GBX1: variants seen among roughly 807,000 people sequenced by gnomAD.
GBX1 encodes the protein gastrulation brain homeobox 1.
A neutral mutation model predicts 22.9 loss-of-function variants in GBX1; 9 were observed. The ratio of observed to expected loss-of-function variants is 0.39; its 90% CI spans 0.24 to 0.69. The LOEUF (loss-of-function observed/expected upper bound fraction) is 0.69. Ranked by LOEUF, GBX1 falls within the 30% of genes least tolerant of loss-of-function variation. The pLI, the probability that GBX1 is intolerant of heterozygous loss-of-function variation, is 0.43. For missense variants in GBX1, 494 were observed against 509.2 expected, an observed-to-expected ratio of 0.97 and a Z score of 0.29; for synonymous variants, 203 against 227.3, an observed-to-expected ratio of 0.89 and a Z score of 0.96.
intron 1 of GBX1, among the ~76,000 whole-genome samples, chr7:151,158,278 T>C (rs1328057696): frequency 6.6e-6 from 1 of 152,122 alleles, no homozygotes; most frequent in Admixed American, 6.6e-5. Context: ...AAATTATTCA[T>C]AGTAATACCA....
chr7:151,153,325 C>T (rs1801099158), intron 1 of GBX1, among the ~76,000 whole-genome samples: 1 of 152,142 alleles, frequency 6.6e-6, no homozygotes, highest in Non-Finnish European at 1.5e-5. Flanking sequence ...AGAAGGAGCA[C>T]TGTAGACTGC....
chr7:151,163,097 C>T (rs1483711605), intron 1 of GBX1, among the ~76,000 whole-genome samples: 10 of 152,114 alleles, frequency 6.6e-5, no homozygotes, highest in Non-Finnish European at 1.2e-4. Context: ...TGAGCCACCG[C>T]GCCCAGCTTT....
chr7:151,156,416 A>AAAAC (rs68133106), intron 1 of GBX1, among the ~76,000 whole-genome samples: 2 of 129,970 alleles, frequency 1.5e-5, no homozygotes, highest in African/African-American at 6.2e-5. Flanking sequence ...AAAAAAAAAA[A>AAAAC]CGAAAAAAAA....
rs1474545399 is a variant in GBX1 at position 151,148,564 on chromosome 7, C to G, written c.*25G>C. The stretch of plus-strand genomic sequence containing the variant: ...AGCAGGCTCAGGTACAGATCCCTCG[C>G]CTTCCTAAGTTCTTGGGTGCCCATT... On this transcript the variant is annotated 3_prime_UTR_variant, in exon 2 of 2. Coordinates refer to ENST00000297537, the MANE Select transcript of GBX1 (RefSeq NM_001098834.3). This position sits in a 1 kb window ranked among gnomAD's most constrained non-coding sequence, Gnocchi z 5.1. The G allele has an allele frequency of 6.2e-7, 1 of 1,603,718 alleles. No individual in the cohort carries two copies. Among genetic ancestry groups the G allele is most frequent in the Non-Finnish European group, 8.5e-7 (1 of 1,173,638 alleles).
intron 1 of GBX1, among the ~76,000 whole-genome samples, chr7:151,164,904 T>C (rs2150551215): frequency 6.6e-6 from 1 of 151,812 alleles, no homozygotes; most frequent in South Asian, 2.1e-4. Flanking sequence ...CTCCTAGTGT[T>C]GAAACTTTTC....
intron 1 of GBX1, chr7:151,149,874 T>C: frequency 4.4e-6 from 2 of 455,280 alleles, no homozygotes; most frequent in East Asian, 1.4e-4. Context: ...CTGATCCCCT[T>C]TCAATCCTTA....
chr7:151,157,035 C>T (rs1179390913), intron 1 of GBX1, among the ~76,000 whole-genome samples: 3 of 131,914 alleles, frequency 2.3e-5, no homozygotes, highest in South Asian at 2.5e-4. Flanking sequence ...AAAATAATAA[C>T]GTCTGTAATC....
At chr7:151,166,552 C>A (rs1801254022) in intron 1 of GBX1, among the ~76,000 whole-genome samples, 1 of 141,308 alleles carries the variant, frequency 7.1e-6, no homozygotes, top group Non-Finnish European at 1.5e-5. Context: ...ATCCTTTGAG[C>A]CTTTAGGGTC....
At chr7:151,166,487 A>ACAC (rs1554475966) in intron 1 of GBX1, among the ~76,000 whole-genome samples, 7 of 55,858 alleles carry the variant, frequency 1.3e-4, no homozygotes, top group East Asian at 6.1e-4. Context: ...CCCCCCCCCC[A>ACAC]ACACACACAC....
intron 1 of GBX1, among the ~76,000 whole-genome samples, chr7:151,149,349 CAAAG>C (rs1801051018): frequency 6.6e-6 from 1 of 152,094 alleles, no homozygotes; most frequent in Non-Finnish European, 1.5e-5. Flanking sequence ...TTAGGGAAAA[CAAAG>C]AAATGGGAAG....
intron 1 of GBX1, among the ~76,000 whole-genome samples, chr7:151,152,243 C>T (rs1354237081): frequency 6.6e-6 from 1 of 152,172 alleles, no homozygotes; most frequent in Non-Finnish European, 1.5e-5. Flanking sequence ...CCCTCCCTGT[C>T]CTTTCCTTTC....
At chr7:151,149,973 C>T (rs966853935) in intron 1 of GBX1, 1 of 455,884 alleles carries the variant, frequency 2.2e-6, no homozygotes, top group South Asian at 1.5e-5. Flanking sequence ...CTGTTTTCTG[C>T]TCAAGTTCAG....
chr7:151,157,190 G>T (rs868628648), intron 1 of GBX1, among the ~76,000 whole-genome samples: 1 of 151,940 alleles, frequency 6.6e-6, no homozygotes. Context: ...CAGCTACTCG[G>T]GAGGCTGAGG....
chr7:151,163,444 A>T (rs763077928), intron 1 of GBX1, among the ~76,000 whole-genome samples: 3 of 152,318 alleles, frequency 2.0e-5, no homozygotes, highest in Middle Eastern at 3.4e-3. Flanking sequence ...TAGATCCGTC[A>T]TGTTGAATAC....
rs571698053 is a variant in GBX1 at position 151,166,480 on chromosome 7, C to G, written c.538+531G>C. Among the ~76,000 whole-genome samples the G allele has an allele frequency of 6.4e-4, 80 of 125,180 alleles. 6 individuals are homozygous for G. The South Asian group carries it at 0.018, about 28-fold the overall frequency. The allele number at this position is 125,180 out of a possible 152,430, so 82.1% of individuals were successfully genotyped here. Reference sequence around the variant, plus strand: ...GTCACGGCTTTGAGACGCAACCCCCCCCCCCCAACACACACACACACACAC... The same window carrying G: ...GTCACGGCTTTGAGACGCAACCCCCGCCCCCCAACACACACACACACACAC... On this transcript the variant is annotated intron_variant, in intron 1 of 1. Coordinates refer to ENST00000297537, the MANE Select transcript of GBX1 (RefSeq NM_001098834.3).
At chr7:151,165,920 A>C (rs1801245365) in intron 1 of GBX1, among the ~76,000 whole-genome samples, 1 of 152,172 alleles carries the variant, frequency 6.6e-6, no homozygotes, top group Non-Finnish European at 1.5e-5. Flanking sequence ...GTCAGCTCCC[A>C]GGCCTACTGG....
chr7:151,166,188 C>A (rs1192475998), intron 1 of GBX1, among the ~76,000 whole-genome samples: 3 of 152,124 alleles, frequency 2.0e-5, no homozygotes, highest in Non-Finnish European at 4.4e-5. Flanking sequence ...GGACTCTAAA[C>A]AAGGTTCAGT....
intron 1 of GBX1, among the ~76,000 whole-genome samples, chr7:151,162,919 G>A (rs1160320316): frequency 1.3e-5 from 2 of 149,890 alleles, no homozygotes; most frequent in Non-Finnish European, 2.9e-5. Flanking sequence ...TGATTCTCCT[G>A]CCTCAGCCTC....
intron 1 of GBX1, among the ~76,000 whole-genome samples, chr7:151,157,902 T>C (rs1007378654): frequency 3.3e-5 from 5 of 152,346 alleles, no homozygotes; most frequent in Non-Finnish European, 7.3e-5. Flanking sequence ...CCTGGGATTA[T>C]AAAATTATAA....
Sources: gnomAD v4.1 joint callset for allele counts (sites outside exome capture counted in the v4.1 genomes callset) on GRCh38, gnomAD v4.1.1 for gene constraint, Gnocchi (gnomAD v3.1) non-coding constraint, MANE v1.5 for transcripts, NCBI Gene and HGNC (gene_info 2026-07-23, HGNC 2026-07-21) for gene names.